The following CCDC18 variants were observed in gnomAD, a reference collection of about 807,000 sequenced individuals.
The protein encoded by CCDC18 is coiled-coil domain containing 18, also known as coiled-coil domain-containing protein 18.
A neutral mutation model predicts 196.0 loss-of-function variants in CCDC18; 157 were observed. The ratio of observed to expected loss-of-function variants is 0.80; its 90% confidence interval spans 0.70 to 0.91. The LOEUF (loss-of-function observed/expected upper bound fraction) is 0.91, where lower values mean the gene tolerates loss of function less well. Among genes scored for constraint, CCDC18 ranks in the 40% least tolerant of loss-of-function variants. CCDC18 has a pLI of 0.00. For missense variants in CCDC18, 1,465 were observed against 1,611.6 expected (o/e 0.91, Z 1.56); for synonymous variants, 482 against 529.2 (o/e 0.91, Z 1.22).
In CCDC18 at chr1:93,254,622, AATT is replaced by A. The variant is rs772467767; in HGVS notation, c.3342+12_3342+14del. 6.2e-7 allele frequency: 1 copy of A among 1,604,828 alleles called. No homozygotes were observed. The highest frequency in any genetic ancestry group is 8.5e-7 in the Non-Finnish European group (1 of 1,176,390). ...ATGAAAGAAATGGAGAGTGTAAGCA[AATT>A]ATTTCCACCTAAGGAACAAGTGGTA... is the stretch of plus-strand genomic sequence containing the variant. On this transcript the variant is annotated intron_variant, in intron 24 of 28. Coordinates refer to ENST00000690025, the MANE Select transcript of CCDC18 (RefSeq NM_001378204.1).
intron 17 of CCDC18, among the ~76,000 whole-genome samples, chr1:93,226,802 G>A (rs1393215701): frequency 6.6e-6 from 1 of 152,052 alleles, no homozygotes; most frequent in Non-Finnish European, 1.5e-5. Flanking sequence ...CCAAAGTGCT[G>A]GGATTACAGG....
At chr1:93,275,133 CAG>C (rs986462486) in intron 28 of CCDC18, among the ~76,000 whole-genome samples, 26 of 152,116 alleles carry the variant, frequency 1.7e-4, no homozygotes, top group African/African-American at 6.3e-4. Context: ...TTTTTTGAGG[CAG>C]AGTCTTGTGC....
In CCDC18 at chr1:93,229,530, C is replaced by T. The variant is rs1018032340; in HGVS notation, c.2293-2896C>T. Reference sequence around the variant, plus strand: ...GGTGATATTATAAAGATGTTCTTATCTTTTAAATCAGGGAATATGCCCCAA... The same window carrying T: ...GGTGATATTATAAAGATGTTCTTATTTTTTAAATCAGGGAATATGCCCCAA... On this transcript the variant is annotated intron_variant, in intron 17 of 28. Coordinates refer to ENST00000690025, the MANE Select transcript of CCDC18 (RefSeq NM_001378204.1). 3.3e-5 allele frequency among the ~76,000 whole-genome samples: 5 copies of T among 152,168 alleles called. No homozygotes were observed. The East Asian group carries it at 7.7e-4, about 23-fold the overall frequency.
rs555956312 is a variant in CCDC18 at position 93,191,957 on chromosome 1, T to TAA, written c.463-43_463-42insAA. On this transcript the variant is annotated intron_variant, in intron 4 of 28. Coordinates refer to ENST00000690025, the MANE Select transcript of CCDC18 (RefSeq NM_001378204.1). ...AAAAACTAAGGACCAAGTAGGTTAA[T>TAA]TTATTTTCTGAAAGTACTATAAAAG... 3.4e-4 allele frequency: 479 copies of TAA among 1,394,652 alleles called. No homozygotes were observed. The African/African-American group carries it at 6.4e-3, about 19-fold the overall frequency. 86.4% of individuals were successfully genotyped at this position (1,394,652 alleles called of 1,614,324 possible).
chr1:93,255,736 A>C (rs1416952809), intron 24 of CCDC18, among the ~76,000 whole-genome samples: 1 of 149,982 alleles, frequency 6.7e-6, no homozygotes, highest in East Asian at 1.9e-4. Context: ...AGCCTGTACC[A>C]AACGAAGAAG....
intron 14 of CCDC18, among the ~76,000 whole-genome samples, chr1:93,220,094 T>A (rs1288178481): frequency 6.6e-6 from 1 of 152,080 alleles, no homozygotes; most frequent in Non-Finnish European, 1.5e-5. Flanking sequence ...TCTAGACACA[T>A]CAAAATCCTT....
intron 27 of CCDC18, chr1:93,269,647 G>T (rs1451867556): frequency 6.6e-6 from 1 of 152,026 alleles, no homozygotes; most frequent in Non-Finnish European, 1.5e-5. Context: ...TTTAAGAAAA[G>T]GCAAATGTAT....
At chr1:93,277,826 T>A (rs746178087) in intron 28 of CCDC18, among the ~76,000 whole-genome samples, 24 of 152,152 alleles carry the variant, frequency 1.6e-4, no homozygotes, top group Non-Finnish European at 3.1e-4. Context: ...CATGTAGCTA[T>A]TCATCATCCT....
chr1:93,200,351 C>T (rs1310251059), intron 6 of CCDC18, among the ~76,000 whole-genome samples: 1 of 129,146 alleles, frequency 7.7e-6, no homozygotes, highest in Admixed American at 7.5e-5. Context: ...AAAAAAAAAG[C>T]GAGAACAGGC....
chr1:93,259,737 C>T (rs1277908377), intron 26 of CCDC18, among the ~76,000 whole-genome samples: 1 of 152,116 alleles, frequency 6.6e-6, no homozygotes, highest in Non-Finnish European at 1.5e-5. Flanking sequence ...TGATCTTTAG[C>T]GACAAACCTG....
chr1:93,215,718 A>C (rs902515893), intron 12 of CCDC18, among the ~76,000 whole-genome samples: 7 of 152,070 alleles, frequency 4.6e-5, no homozygotes, highest in African/African-American at 1.7e-4. Flanking sequence ...AGTATCCCAA[A>C]ATGCTGGGAT....
intron 23 of CCDC18, among the ~76,000 whole-genome samples, chr1:93,251,417 G>T (rs797680): frequency 0.5 from 76,695 of 151,986 alleles, 22,963 homozygotes; most frequent in African/African-American, 0.85. Flanking sequence ...CATTAGTGGC[G>T]GTTTTTCTTT....
chr1:93,258,013 A>G (rs1289138411), intron 25 of CCDC18, among the ~76,000 whole-genome samples: 1 of 151,750 alleles, frequency 6.6e-6, no homozygotes, highest in East Asian at 1.9e-4. Flanking sequence ...TATAGTTTCC[A>G]ATTCTGCTTT....
rs1313550384 is a variant in CCDC18 at position 93,239,687 on chromosome 1, G to C, written c.2772G>C (p.Lys924Asn). 1.2e-6 allele frequency: 2 copies of C among 1,603,136 alleles called. No individual in the cohort carries two copies. The highest frequency in any genetic ancestry group is 1.3e-5 in the African/African-American group (1 of 74,532). Residue 924 changes from lysine to asparagine, a missense_variant, in exon 21 of 29, where the codon AAG becomes AAC. Lys to Asn is a moderately conservative substitution (Grantham distance 94). Transcript: ENST00000690025. Reference protein sequence around the residue: ...TELEKKTNAVKELEKLQHSTE... With the variant: ...TELEKKTNAVNELEKLQHSTE... Reference sequence around the variant, plus strand: ...ATTATTCTCTCCTCTTAATAGTAAAGGAGTTAGAAAAGTTACAGCACAGTA... The same window carrying C: ...ATTATTCTCTCCTCTTAATAGTAAACGAGTTAGAAAAGTTACAGCACAGTA...
chr1:93,188,499 TTTC>T (rs1651107907), intron 4 of CCDC18, among the ~76,000 whole-genome samples: 1 of 152,254 alleles, frequency 6.6e-6, no homozygotes, highest in African/African-American at 2.4e-5. Context: ...AATGTCTTAA[TTTC>T]TTCTTCACTC....
chr1:93,276,481 A>G (rs185395468), intron 28 of CCDC18, among the ~76,000 whole-genome samples: 1 of 152,362 alleles, frequency 6.6e-6, no homozygotes, highest in Admixed American at 6.5e-5. Flanking sequence ...GAATTTATAA[A>G]AAGTTATTAC....
At chr1:93,213,283 C>G (rs763097823) in intron 11 of CCDC18, among the ~76,000 whole-genome samples, 3 of 152,018 alleles carry the variant, frequency 2.0e-5, no homozygotes, top group Non-Finnish European at 2.9e-5. Context: ...CAGTTTGATA[C>G]GTTTTGTCAG....
chr1:93,253,770 T>C (rs1662573472), intron 23 of CCDC18, among the ~76,000 whole-genome samples: 1 of 152,188 alleles, frequency 6.6e-6, no homozygotes, highest in African/African-American at 2.4e-5. Context: ...CAAATGGGGC[T>C]GTAGCCAAGT....
chr1:93,192,563 G>A (rs1398185363), intron 5 of CCDC18, among the ~76,000 whole-genome samples: 2 of 152,116 alleles, frequency 1.3e-5, no homozygotes, highest in Non-Finnish European at 2.9e-5. Context: ...TCCCAAGGAG[G>A]TGGGACTACA....
Sources: gnomAD v4.1 joint callset for allele counts (sites outside exome capture counted in the v4.1 genomes callset) on GRCh38, gnomAD v4.1.1 for gene constraint, MANE v1.5 for transcripts, NCBI Gene and HGNC (gene_info 2026-07-23, HGNC 2026-07-21) for gene names.